SRGAP3: variants seen among roughly 807,000 people sequenced by gnomAD.
SRGAP3 encodes the protein SLIT-ROBO Rho GTPase activating protein 3.
In SRGAP3, 39 loss-of-function variants were observed where a neutral mutation model predicts 121.1. The observed-to-expected ratio is 0.32, with a 90% CI of 0.25 to 0.42. SRGAP3 has a LOEUF of 0.42. Among genes scored for constraint, SRGAP3 ranks in the 10% least tolerant of loss-of-function variants. The probability of loss-of-function intolerance (pLI) is 1.00; values close to 1 mark genes in which losing one functional copy is unlikely to be tolerated. For synonymous variants in SRGAP3, 601 were observed against 570.0 expected (o/e 1.05, Z -0.77); for missense variants, 1,213 against 1,470.6 (o/e 0.82, Z 2.86).
intron 3 of SRGAP3, among the ~76,000 whole-genome samples, chr3:9,301,159 C>A (rs1955047910): frequency 6.6e-6 from 1 of 152,214 alleles, no homozygotes; most frequent in South Asian, 2.1e-4. Context: ...CCCTGACTTT[C>A]TGGGATTCTG....
chr3:9,094,718 G>A (rs1378559085), intron 3 of SRGAP3, among the ~76,000 whole-genome samples: 4 of 152,102 alleles, frequency 2.6e-5, no homozygotes, highest in African/African-American at 9.7e-5. Flanking sequence ...CAGTAATTGT[G>A]AGCATCTTTT....
At chr3:9,111,359 A>G (rs867610249) in intron 2 of SRGAP3, among the ~76,000 whole-genome samples, 7 of 152,238 alleles carry the variant, frequency 4.6e-5, no homozygotes, top group Admixed American at 2.0e-4. Context: ...GGAGGGCGCT[A>G]GTGAAAGGGG....
At chr3:9,361,763 GAAC>G (rs2030856188) in intron 1 of SRGAP3, among the ~76,000 whole-genome samples, 1 of 152,074 alleles carries the variant, frequency 6.6e-6, no homozygotes, top group African/African-American at 2.4e-5. Context: ...AGTTTCAATA[GAAC>G]AACCGACTAG....
intron 13 of SRGAP3, 112 bp from the exon 14 acceptor site, chr3:9,025,450 T>C: frequency 3.3e-6 from 4 of 1,209,684 alleles, no homozygotes; most frequent in East Asian, 2.4e-5. Context: ...TCTCCCCCGA[T>C]CCTTTATAAC....
In SRGAP3 at chr3:8,993,043, G is replaced by A. The variant is rs1490428515; in HGVS notation, c.2421C>T (p.Phe807=). Reference sequence around the variant, plus strand: ...CAGCCTTCTGGCTCAGGCTGTCGGAGAAGGCATCATCCCTGGGGAGAAGAC... The same window carrying A: ...CAGCCTTCTGGCTCAGGCTGTCGGAAAAGGCATCATCCCTGGGGAGAAGAC... ...YIVVQDMDDA[F]SDSLSQKADS... Residue 807 remains phenylalanine, a synonymous_variant, in exon 20 of 22, where the codon TTC becomes TTT. Coordinates refer to ENST00000383836, the MANE Select transcript of SRGAP3 (RefSeq NM_014850.4). 1 of 1,614,162 alleles carries A rather than the reference G, an allele frequency of 6.2e-7. No individual in the cohort carries two copies. Among genetic ancestry groups the A allele is most frequent in the East Asian group, 2.2e-5 (1 of 44,880 alleles).
chr3:9,071,061 C>T (rs1044915310), intron 4 of SRGAP3, among the ~76,000 whole-genome samples: 6 of 152,010 alleles, frequency 3.9e-5, no homozygotes, highest in African/African-American at 1.5e-4. Context: ...ACAAAGGGAG[C>T]AGAGTGAGCA....
chr3:9,156,565 C>T (rs1325953150), intron 1 of SRGAP3, among the ~76,000 whole-genome samples: 1 of 152,226 alleles, frequency 6.6e-6, no homozygotes, highest in Non-Finnish European at 1.5e-5. Flanking sequence ...TTTCTAACCT[C>T]CTTTCCCAGG....
chr3:9,126,645 CTAAATAAA>C (rs1328680002), intron 1 of SRGAP3, among the ~76,000 whole-genome samples: 2,019 of 129,348 alleles, frequency 0.016, 46 homozygotes, highest in East Asian at 0.11. Flanking sequence ...AACTAACTAA[CTAAATAAA>C]TAAATAAATA....
At chr3:9,072,575 C>T (rs1242788870) in intron 4 of SRGAP3, among the ~76,000 whole-genome samples, 1 of 152,242 alleles carries the variant, frequency 6.6e-6, no homozygotes, top group East Asian at 1.9e-4. Context: ...CGCAGAGCTG[C>T]CCTGCCCTAA....
chr3:9,186,229 A>G (rs1243119454), intron 1 of SRGAP3, among the ~76,000 whole-genome samples: 1 of 152,130 alleles, frequency 6.6e-6, no homozygotes, highest in Admixed American at 6.5e-5. Flanking sequence ...TCTGCCTTCA[A>G]GATCTAACTT....
intron 18 of SRGAP3, among the ~76,000 whole-genome samples, chr3:8,997,497 G>A (rs1942476562): frequency 6.6e-6 from 1 of 152,136 alleles, no homozygotes. Flanking sequence ...GCTTCCCATG[G>A]AGGCTGGAAC....
chr3:9,166,911 A>G (rs1950807324), intron 1 of SRGAP3, among the ~76,000 whole-genome samples: 1 of 151,970 alleles, frequency 6.6e-6, no homozygotes, highest in Non-Finnish European at 1.5e-5. Context: ...ATATGGCCCC[A>G]CCCTGACCTT....
At chr3:9,231,033 G>C (rs1234802614) in intron 1 of SRGAP3, among the ~76,000 whole-genome samples, 2 of 152,172 alleles carry the variant, frequency 1.3e-5, no homozygotes, top group African/African-American at 4.8e-5. Flanking sequence ...TAATTATCAG[G>C]GTCTTGGAGG....
chr3:9,328,808 C>T (rs542480423), intron 2 of SRGAP3, among the ~76,000 whole-genome samples: 1 of 152,208 alleles, frequency 6.6e-6, no homozygotes, highest in East Asian at 1.9e-4. Flanking sequence ...CACTGCTCTT[C>T]CCAGAAGGAA....
chr3:9,155,135 C>G (rs187531582), intron 1 of SRGAP3, among the ~76,000 whole-genome samples: 1 of 151,906 alleles, frequency 6.6e-6, no homozygotes, highest in Admixed American at 6.6e-5. Flanking sequence ...TTTGAAAGTG[C>G]CTTTATAGCA....
chr3:9,232,728 T>G (rs944431559), intron 1 of SRGAP3, among the ~76,000 whole-genome samples: 1 of 152,142 alleles, frequency 6.6e-6, no homozygotes, highest in African/African-American at 2.4e-5. Flanking sequence ...ATTCCCAGGG[T>G]CCACCCACTG....
At chr3:9,268,835 G>A (rs571651692) in intron 3 of SRGAP3, among the ~76,000 whole-genome samples, 1 of 152,182 alleles carries the variant, frequency 6.6e-6, no homozygotes, top group Non-Finnish European at 1.5e-5. Flanking sequence ...TTTGCACTAC[G>A]TCACACTGCA....
intron 18 of SRGAP3, among the ~76,000 whole-genome samples, chr3:8,995,653 A>G (rs558401804): frequency 6.6e-6 from 1 of 152,348 alleles, no homozygotes; most frequent in East Asian, 1.9e-4. Context: ...TTTAAACTGC[A>G]TGGTTTAAGG....
At position 9,223,208 on chromosome 3, in the gene SRGAP3, G is replaced by A. The variant is rs1049045459; in HGVS notation, c.67+25677C>T. Among the ~76,000 whole-genome samples, 6 of 152,346 alleles carry A rather than the reference G, an allele frequency of 3.9e-5. No individual in the cohort carries two copies. The South Asian group carries it at 1.2e-3, about 32-fold the overall frequency. On this transcript the variant is annotated intron_variant, in intron 1 of 21. Coordinates refer to ENST00000383836, the MANE Select transcript of SRGAP3 (RefSeq NM_014850.4). ...ACATCCACTTATTTCTCTATTGTCT[G>A]TGGATGTTTTTGCACTACAAAGGGA...
Sources: gnomAD v4.1 joint callset for allele counts (sites outside exome capture counted in the v4.1 genomes callset) on GRCh38, gnomAD v4.1.1 for gene constraint, MANE v1.5 for transcripts, NCBI Gene and HGNC (gene_info 2026-07-23, HGNC 2026-07-21) for gene names.